FBXW7: variants seen among roughly 807,000 people sequenced by gnomAD.
The protein encoded by FBXW7 is F-box/WD repeat-containing protein 7.
A neutral mutation model predicts 86.3 loss-of-function variants in FBXW7; 11 were observed. That is an observed-to-expected ratio of 0.13 (90% CI 0.08 to 0.21). FBXW7 has a LOEUF of 0.21. Ranked by LOEUF, FBXW7 falls within the 10% of genes least tolerant of loss-of-function variation. FBXW7 has a pLI of 1.00. For synonymous variants in FBXW7, 313 were observed against 297.9 expected (o/e 1.05, Z -0.52); for missense variants, 488 against 847.4 (o/e 0.58, Z 5.27).
chr4:152,504,543 A>G (rs1367627929), intron 2 of FBXW7, among the ~76,000 whole-genome samples: 1 of 152,176 alleles, frequency 6.6e-6, no homozygotes, highest in Non-Finnish European at 1.5e-5. Context: ...GTTTTGCTTC[A>G]AAGTCTACTA....
At chr4:152,532,521 A>C (rs1336551039) in intron 2 of FBXW7, among the ~76,000 whole-genome samples, 1 of 152,246 alleles carries the variant, frequency 6.6e-6, no homozygotes, top group South Asian at 2.1e-4. Context: ...ATTCCCTTCA[A>C]ACCAGCTTCG....
At chr4:152,426,600 C>T (rs554676622) in intron 2 of FBXW7, among the ~76,000 whole-genome samples, 2 of 152,226 alleles carry the variant, frequency 1.3e-5, no homozygotes, top group Non-Finnish European at 2.9e-5. Context: ...CCGCCCGCCT[C>T]GGCCTCCCAA....
chr4:152,507,709 G>T (rs1747553610), intron 2 of FBXW7, among the ~76,000 whole-genome samples: 1 of 152,052 alleles, frequency 6.6e-6, no homozygotes, highest in South Asian at 2.1e-4. Context: ...TCATGGCTGG[G>T]GCAGAGAAAA....
intron 2 of FBXW7, among the ~76,000 whole-genome samples, chr4:152,418,962 A>G (rs1271596294): frequency 6.6e-6 from 1 of 152,206 alleles, no homozygotes; most frequent in Non-Finnish European, 1.5e-5. Context: ...TTTATTTAAA[A>G]TTCAAAAATA....
intron 2 of FBXW7, among the ~76,000 whole-genome samples, chr4:152,447,802 C>T (rs548923137): frequency 5.9e-5 from 9 of 152,228 alleles, no homozygotes; most frequent in Admixed American, 3.9e-4. Flanking sequence ...AAGAACCTTA[C>T]CATCATTCTA....
intron 4 of FBXW7, among the ~76,000 whole-genome samples, chr4:152,405,233 A>G (rs1737309910): frequency 1.3e-5 from 2 of 152,152 alleles, no homozygotes; most frequent in Non-Finnish European, 2.9e-5. Context: ...GAAGAATTAT[A>G]TGTCAACTTA....
intron 2 of FBXW7, among the ~76,000 whole-genome samples, chr4:152,465,332 A>G (rs980131499): frequency 6.6e-6 from 1 of 152,196 alleles, no homozygotes; most frequent in South Asian, 2.1e-4. Flanking sequence ...TATAAAAGCT[A>G]TTTTGCCTTA....
chr4:152,365,446 C>T (rs1733392959), intron 4 of FBXW7, among the ~76,000 whole-genome samples: 2 of 151,954 alleles, frequency 1.3e-5, no homozygotes, highest in South Asian at 4.1e-4. Context: ...TTCCACTAGA[C>T]CAGGCAAGAG....
chr4:152,350,906 T>G (rs1731751400), intron 4 of FBXW7, among the ~76,000 whole-genome samples: 1 of 152,038 alleles, frequency 6.6e-6, no homozygotes, highest in South Asian at 2.1e-4. Flanking sequence ...TGTTTCATTA[T>G]GCCATGTTAT....
At chr4:152,507,167 G>C (rs1437730865) in intron 2 of FBXW7, among the ~76,000 whole-genome samples, 1 of 152,052 alleles carries the variant, frequency 6.6e-6, no homozygotes, top group African/African-American at 2.4e-5. Flanking sequence ...ACACTGAAAA[G>C]CCTAATCAAA....
At chr4:152,431,026 T>C (rs912317439) in intron 2 of FBXW7, among the ~76,000 whole-genome samples, 4 of 152,216 alleles carry the variant, frequency 2.6e-5, no homozygotes, top group Admixed American at 1.3e-4. Context: ...CCAGTCTTCC[T>C]GCCAAGAATT....
At chr4:152,417,127 A>G (rs1423725612) in intron 2 of FBXW7, among the ~76,000 whole-genome samples, 1 of 152,050 alleles carries the variant, frequency 6.6e-6, no homozygotes, top group African/African-American at 2.4e-5. Context: ...CAACTATCAC[A>G]CAGAAGCTAA....
chr4:152,442,874 G>A (rs1402355680), intron 2 of FBXW7, among the ~76,000 whole-genome samples: 11 of 152,202 alleles, frequency 7.2e-5, no homozygotes, highest in Admixed American at 7.2e-4. Flanking sequence ...ATGATCTCAG[G>A]AAAGCTTATA....
At chr4:152,325,915 T>C in intron 12 of FBXW7, 91 bp downstream of exon 12, 2 of 1,046,618 alleles carry the variant, frequency 1.9e-6, no homozygotes, top group South Asian at 1.4e-5. Flanking sequence ...TTTTGGACTG[T>C]ACTGGATCAG....
chr4:152,434,845 G>C (rs748958630), intron 2 of FBXW7, among the ~76,000 whole-genome samples: 1 of 152,014 alleles, frequency 6.6e-6, no homozygotes, highest in Non-Finnish European at 1.5e-5. Context: ...ATAGAGGTTT[G>C]TATAATGTGC....
intron 4 of FBXW7, among the ~76,000 whole-genome samples, chr4:152,372,888 T>C (rs1225967949): frequency 6.6e-6 from 1 of 152,006 alleles, no homozygotes; most frequent in African/African-American, 2.4e-5. Context: ...AGTCGCTTTG[T>C]ACTCCTATCT....
intron 4 of FBXW7, among the ~76,000 whole-genome samples, chr4:152,386,220 T>C (rs1735515886): frequency 6.6e-6 from 1 of 152,072 alleles, no homozygotes; most frequent in Non-Finnish European, 1.5e-5. Context: ...TTAAAGATGA[T>C]ACCACAAATA....
rs1579262704 is a variant in FBXW7 at position 152,460,216 on chromosome 4, C to T, written c.-119-47687G>A. Among the ~76,000 whole-genome samples the T allele has an allele frequency of 2.6e-5, 4 of 152,140 alleles. No homozygotes were observed. In the South Asian group the frequency reaches 8.3e-4, roughly 32 times the overall value. On this transcript the variant is annotated intron_variant, in intron 2 of 13. Transcript: ENST00000281708. ...TAAACAATAACCTTAATGAGATATA[C>T]CATGTTCATAAGTTAGAAGACTATT... is the stretch of plus-strand genomic sequence containing the variant.
At chr4:152,344,916 T>C (rs1731105307) in intron 6 of FBXW7, among the ~76,000 whole-genome samples, 2 of 152,188 alleles carry the variant, frequency 1.3e-5, no homozygotes, top group South Asian at 4.1e-4. Flanking sequence ...TTGGAGGTTA[T>C]CTACAATGAT....
Sources: allele counts gnomAD v4.1 joint callset (sites outside exome capture counted in the v4.1 genomes callset), GRCh38; gene constraint gnomAD v4.1.1; transcripts MANE v1.5; gene names NCBI Gene and HGNC (gene_info 2026-07-23, HGNC 2026-07-21).